DSC1: variants seen among roughly 807,000 people sequenced by gnomAD.
DSC1 encodes desmocollin-1.
In DSC1, 79 loss-of-function variants were observed where a neutral mutation model predicts 98.8. The observed-to-expected ratio is 0.80, with a 90% confidence interval of 0.67 to 0.96. DSC1 has a LOEUF of 0.96. DSC1 is among the 50% of genes least tolerant of loss of function. The pLI is 0.00. For synonymous variants in DSC1, 405 were observed against 372.1 expected (o/e 1.09, Z -1.02); for missense variants, 1,115 against 1,075.9 (o/e 1.04, Z -0.51).
At position 31,131,667 on chromosome 18, in the gene DSC1, C is replaced by T; in HGVS notation, c.2414G>A (p.Gly805Glu). 6.2e-7 allele frequency: 1 copy of T among 1,614,134 alleles called. No individual in the cohort carries two copies. The highest frequency in any genetic ancestry group is 8.5e-7 in the Non-Finnish European group (1 of 1,179,998). ...GGHQTLESVKGVGQGDTGRYA... is the reference protein window; with the variant it reads ...GGHQTLESVKEVGQGDTGRYA... Reference sequence around the variant, plus strand: ...TCTGCCAGTATCTCCCTGCCCCACTCCCTTGACGGACTCCAAGGTCTGATG... The same window carrying T: ...TCTGCCAGTATCTCCCTGCCCCACTTCCTTGACGGACTCCAAGGTCTGATG... The change falls in exon 15 of 16, where the codon GGA becomes GAA. Residue 805 changes from glycine (G) to glutamate (E), a missense_variant. Physicochemically the swap from Gly to Glu is moderately conservative, Grantham distance 98 (BLOSUM62 -2). Coordinates refer to ENST00000257198, the MANE Select transcript of DSC1 (RefSeq NM_024421.2).
rs1287215123 is a variant in DSC1 at position 31,143,764 on chromosome 18, C to T, written c.967G>A (p.Glu323Lys). ...EKCDTYQLIMEVRDMGGQPFG... is the reference protein window; with the variant it reads ...EKCDTYQLIMKVRDMGGQPFG... ...GGCTGACCACCCATGTCTCGCACTT[C>T]CATTATTAACTGGTAAGTATCACAT... The change falls in exon 8 of 16, where the codon GAA becomes AAA. Residue 323 changes from glutamate to lysine, a missense_variant. Transcript: ENST00000257198. 1.3e-6 allele frequency: 2 copies of T among 1,596,988 alleles called. No homozygotes were observed. Among genetic ancestry groups the T allele is most frequent in the African/African-American group, 2.7e-5 (2 of 74,364 alleles).
intron 5 of DSC1, among the ~76,000 whole-genome samples, chr18:31,150,443 C>CTAA (rs1303827094): frequency 8.2e-6 from 1 of 121,956 alleles, no homozygotes. Flanking sequence ...ACCATCACCA[C>CTAA]CACTACCACC....
intron 6 of DSC1, 87 bp downstream of exon 6, chr18:31,148,411 A>T: frequency 7.1e-7 from 1 of 1,402,262 alleles, no homozygotes; most frequent in Non-Finnish European, 9.5e-7. Flanking sequence ...CATAAAATGC[A>T]ATGATAAAAC....
intron 5 of DSC1, among the ~76,000 whole-genome samples, chr18:31,151,084 T>C (rs186018998): frequency 1.3e-5 from 2 of 152,358 alleles, no homozygotes; most frequent in East Asian, 3.9e-4. Context: ...CACACTGCTA[T>C]AATTTAGACT....
intron 10 of DSC1, 28 bp downstream of exon 10, chr18:31,140,014 T>G: frequency 1.9e-6 from 3 of 1,584,366 alleles, no homozygotes; most frequent in Non-Finnish European, 2.6e-6. Flanking sequence ...ACAATTAAAA[T>G]TAAGGAGCTT....
At chr18:31,146,086 T>G (rs765405432) in intron 6 of DSC1, among the ~76,000 whole-genome samples, 4 of 152,182 alleles carry the variant, frequency 2.6e-5, no homozygotes, top group Non-Finnish European at 5.9e-5. Flanking sequence ...ATTTTTAAAT[T>G]TAACTTAATT....
chr18:31,143,819 T>A, intron 7 of DSC1, 28 bp from the exon 8 acceptor site: 1 of 1,528,540 alleles, frequency 6.5e-7, no homozygotes, highest in Non-Finnish European at 8.8e-7. Context: ...ACTACATTAA[T>A]GAACACTTTT....
intron 11 of DSC1, among the ~76,000 whole-genome samples, chr18:31,136,568 A>G (rs1450083928): frequency 6.6e-6 from 1 of 152,248 alleles, no homozygotes; most frequent in Non-Finnish European, 1.5e-5. Context: ...GACAAAGCTG[A>G]GAAGGTCTTA....
At chr18:31,135,296 C>A (rs1988587417) in intron 11 of DSC1, among the ~76,000 whole-genome samples, 1 of 152,122 alleles carries the variant, frequency 6.6e-6, no homozygotes, top group East Asian at 1.9e-4. Flanking sequence ...AGATAGCACA[C>A]TATTATCTTC....
intron 9 of DSC1, among the ~76,000 whole-genome samples, chr18:31,140,827 T>C (rs552143203): frequency 7.9e-5 from 12 of 152,346 alleles, no homozygotes; most frequent in African/African-American, 2.4e-4. Context: ...TGGTTGGCTA[T>C]GTCCCACCCA....
intron 9 of DSC1, among the ~76,000 whole-genome samples, chr18:31,141,158 T>C (rs1412791285): frequency 6.6e-6 from 1 of 151,584 alleles, no homozygotes; most frequent in Non-Finnish European, 1.5e-5. Flanking sequence ...GAAAACAAAC[T>C]AATACAGTCC....
intron 9 of DSC1, among the ~76,000 whole-genome samples, chr18:31,140,745 T>C (rs1447054699): frequency 3.3e-5 from 5 of 152,228 alleles, no homozygotes; most frequent in Non-Finnish European, 5.9e-5. Context: ...GAATGATATT[T>C]AACAGCACCT....
chr18:31,159,507 G>C lies in DSC1; in HGVS notation c.86C>G (p.Ala29Gly). 2.5e-6 allele frequency: 4 copies of C among 1,599,810 alleles called. No individual in the cohort carries two copies. The highest frequency in any genetic ancestry group is 3.4e-6 in the Non-Finnish European group (4 of 1,175,560). ...SLLVLTLLCDACQKVYLRVPS... is the reference protein window; with the variant it reads ...SLLVLTLLCDGCQKVYLRVPS... ...AACTCGAAGATAAACTTTCTGACAAGCATCGCAAAGTAATGTTAAAACCTC... is the reference window on the plus strand; with the variant it reads ...AACTCGAAGATAAACTTTCTGACAACCATCGCAAAGTAATGTTAAAACCTC... Residue 29 changes from alanine (A) to glycine (G), a missense_variant, in exon 2 of 16, where the codon GCT becomes GGT. By Grantham distance (60) the Ala-to-Gly change is moderately conservative (BLOSUM62 0). Coordinates refer to ENST00000257198, the MANE Select transcript of DSC1 (RefSeq NM_024421.2).
intron 5 of DSC1, among the ~76,000 whole-genome samples, chr18:31,150,291 C>CCAT (rs1598625476): frequency 7.9e-6 from 1 of 127,318 alleles, no homozygotes. Flanking sequence ...ACCACCACCA[C>CCAT]CACTACCATC....
rs752241376 is a variant in DSC1, at chr18:31,154,823, T to A, written c.578A>T (p.Asp193Val). 7.4e-6 allele frequency: 12 copies of A among 1,613,846 alleles called. No individual in the cohort carries two copies. The highest frequency in any genetic ancestry group is 1.0e-5 in the Non-Finnish European group (12 of 1,179,938). The part of the protein sequence containing the change: ...NLFYIEKDTG[D>V]IFCTRSIDRE... ...GTCAATGCTCCTTGTACAAAAGATA[T>A]CCCCAGTGTCTTTCTCTATGTAAAA... The change falls in exon 5 of 16, where the codon GAT (aspartate) becomes GTT (valine). Residue 193 changes from aspartate (D) to valine (V), a missense_variant. Physicochemically the swap from Asp to Val is radical, Grantham distance 152 (BLOSUM62 -3). Transcript: ENST00000257198.
intron 8 of DSC1, 24 bp downstream of exon 8, chr18:31,143,633 G>C (rs2577072): frequency 0.22 from 322,916 of 1,476,350 alleles, 41,524 homozygotes; most frequent in East Asian, 0.59. Flanking sequence ...AAATCTAGAT[G>C]AATGAATAGA....
intron 15 of DSC1, 79 bp downstream of exon 15, chr18:31,131,515 G>A (rs967179464): frequency 6.4e-6 from 10 of 1,564,986 alleles, no homozygotes; most frequent in Non-Finnish European, 7.8e-6. Context: ...TATATGAGGA[G>A]TAAAACTTTT....
At chr18:31,160,575 G>C (rs1277670309) in intron 1 of DSC1, among the ~76,000 whole-genome samples, 1 of 152,046 alleles carries the variant, frequency 6.6e-6, no homozygotes, top group Non-Finnish European at 1.5e-5. Context: ...AAAAATCTAT[G>C]TTAGGCAGAA....
intron 1 of DSC1, 68 bp downstream of exon 1, chr18:31,162,464 G>A (rs916099878): frequency 5.9e-5 from 89 of 1,500,700 alleles, no homozygotes; most frequent in Non-Finnish European, 7.9e-5. Context: ...TCTCTTTCAA[G>A]CCCAAACTGC....
Sources: allele counts gnomAD v4.1 joint callset (sites outside exome capture counted in the v4.1 genomes callset), GRCh38; gene constraint gnomAD v4.1.1; transcripts MANE v1.5; gene names NCBI Gene and HGNC (gene_info 2026-07-23, HGNC 2026-07-21).